XKR4: variants seen among roughly 807,000 people sequenced by gnomAD.
XKR4 encodes XK related 4, also known as XK-related protein 4.
XKR4 carries 12 observed loss-of-function variants against 53.9 expected under a neutral mutation model. The observed-to-expected ratio is 0.22, with a 90% CI of 0.14 to 0.36. The LOEUF is 0.36. Ranked by LOEUF, XKR4 falls within the 10% of genes least tolerant of loss-of-function variation. The pLI, the probability that XKR4 is intolerant of heterozygous loss-of-function variation, is 1.00. For missense variants in XKR4, 799 were observed against 859.5 expected (o/e 0.93, Z 0.88); for synonymous variants, 354 against 362.4 (o/e 0.98, Z 0.26).
chr8:55,522,193 G>A (rs1393804736), intron 2 of XKR4, among the ~76,000 whole-genome samples: 1 of 152,180 alleles, frequency 6.6e-6, no homozygotes, highest in Non-Finnish European at 1.5e-5. Flanking sequence ...AAGAGTAGAG[G>A]AAAACAATAC....
At chr8:55,202,614 G>A (rs965709050) in intron 1 of XKR4, among the ~76,000 whole-genome samples, 1 of 152,214 alleles carries the variant, frequency 6.6e-6, no homozygotes, top group Non-Finnish European at 1.5e-5. Flanking sequence ...TACAGCTGAA[G>A]GTCTGGGGTT....
intron 1 of XKR4, among the ~76,000 whole-genome samples, chr8:55,159,869 C>T (rs76973689): frequency 0.031 from 4,737 of 152,224 alleles, 244 homozygotes; most frequent in African/African-American, 0.11. Context: ...TGCATAGCAT[C>T]GCATATAGAC....
At chr8:55,161,625 A>G in intron 1 of XKR4, 1 of 456,290 alleles carries the variant, frequency 2.2e-6, no homozygotes, top group Non-Finnish European at 4.4e-6. Context: ...ACCAACTTCT[A>G]ATGTTGCAGT....
intron 2 of XKR4, among the ~76,000 whole-genome samples, chr8:55,489,968 T>A (rs369202980): frequency 6.6e-6 from 1 of 152,194 alleles, no homozygotes; most frequent in South Asian, 2.1e-4. Flanking sequence ...CATTTACATG[T>A]GTTATAAACC....
intron 2 of XKR4, among the ~76,000 whole-genome samples, chr8:55,440,900 C>T (rs1805253921): frequency 2.0e-5 from 3 of 151,620 alleles, no homozygotes. Flanking sequence ...ATTCAAGTAT[C>T]AGGAATAAAT....
At chr8:55,409,103 T>C (rs962905365) in intron 2 of XKR4, among the ~76,000 whole-genome samples, 1 of 150,860 alleles carries the variant, frequency 6.6e-6, no homozygotes, top group Non-Finnish European at 1.5e-5. Context: ...ATGCTGGACA[T>C]AGGACCATGA....
intron 1 of XKR4, among the ~76,000 whole-genome samples, chr8:55,270,025 C>G (rs1818664121): frequency 6.6e-6 from 1 of 152,196 alleles, no homozygotes; most frequent in Non-Finnish European, 1.5e-5. Flanking sequence ...CCTTACATGT[C>G]ATTTAACAGT....
At chr8:55,108,233 T>C (rs993814394) in intron 1 of XKR4, among the ~76,000 whole-genome samples, 1 of 152,072 alleles carries the variant, frequency 6.6e-6, no homozygotes, top group African/African-American at 2.4e-5. Flanking sequence ...AAGTGCATGC[T>C]CTACATATGG....
chr8:55,484,599 C>T (rs1040718048), intron 2 of XKR4, among the ~76,000 whole-genome samples: 4 of 152,202 alleles, frequency 2.6e-5, no homozygotes, highest in Non-Finnish European at 5.9e-5. Context: ...TTTTATGTGT[C>T]CACTTGACTG....
Position 55,534,846 on chromosome 8 carries a change from G to A in XKR4, c.*10619G>A, listed in dbSNP as rs528427016. 4 of 150,952 alleles carry A rather than the reference G, an allele frequency of 2.6e-5. 1 individual carries two copies. The East Asian group carries it at 7.8e-4, about 29-fold the overall frequency. The allele number at this position is 150,952 out of a possible 1,614,324, so 9.4% of individuals were successfully genotyped here. On this transcript the variant is annotated 3_prime_UTR_variant, in exon 3 of 3. Coordinates refer to ENST00000327381, the MANE Select transcript of XKR4 (RefSeq NM_052898.2). The stretch of plus-strand genomic sequence containing the variant: ...GAAGTTATCAGGTCATAGTTTCAGA[G>A]TATGCAAGAGAGTCGGGCCTTCATA...
chr8:55,129,200 T>G (rs1816519761), intron 1 of XKR4, among the ~76,000 whole-genome samples: 1 of 152,192 alleles, frequency 6.6e-6, no homozygotes, highest in Non-Finnish European at 1.5e-5. Flanking sequence ...GAAAATATAG[T>G]TTTTTCTTTC....
intron 1 of XKR4, among the ~76,000 whole-genome samples, chr8:55,179,691 C>G (rs940051131): frequency 6.6e-6 from 1 of 151,976 alleles, no homozygotes; most frequent in African/African-American, 2.4e-5. Context: ...ATTTTTGTTG[C>G]CTAGATAATA....
At chr8:55,500,929 A>G (rs1806427342) in intron 2 of XKR4, among the ~76,000 whole-genome samples, 1 of 152,202 alleles carries the variant, frequency 6.6e-6, no homozygotes, top group African/African-American at 2.4e-5. Context: ...GTAACTAAGA[A>G]TGGCTCTTCA....
chr8:55,519,938 C>A (rs1447771857), intron 2 of XKR4, among the ~76,000 whole-genome samples: 1 of 152,182 alleles, frequency 6.6e-6, no homozygotes, highest in East Asian at 1.9e-4. Context: ...TATAATATTT[C>A]TAGTCTTATA....
chr8:55,168,378 A>T (rs1817099640), intron 1 of XKR4, among the ~76,000 whole-genome samples: 3 of 152,188 alleles, frequency 2.0e-5, no homozygotes, highest in Non-Finnish European at 2.9e-5. Flanking sequence ...ATCATCTGTC[A>T]AATCCTTCAT....
In XKR4 at chr8:55,203,855, T is replaced by C. The variant is rs16921386; in HGVS notation, c.806+100561T>C. 6.5e-3 allele frequency among the ~76,000 whole-genome samples: 991 copies of C among 152,304 alleles called. 24 individuals carry two copies. The highest frequency in any genetic ancestry group is 0.043 in the Admixed American group (653 of 15,296). ...GTCTTAACAAGCACTCACGTAACTT[T>C]TGTGTCCAGAGCACTTTGCAGGGCA... is the stretch of plus-strand genomic sequence containing the variant. On this transcript the variant is annotated intron_variant, in intron 1 of 2. Transcript: ENST00000327381.
At chr8:55,233,130 A>G (rs990957933) in intron 1 of XKR4, among the ~76,000 whole-genome samples, 4 of 152,222 alleles carry the variant, frequency 2.6e-5, no homozygotes, top group Non-Finnish European at 5.9e-5. Context: ...AAGTCACTCA[A>G]TTGAAAGGGG....
At chr8:55,271,475 TA>T (rs5891566) in intron 1 of XKR4, among the ~76,000 whole-genome samples, 3,951 of 152,180 alleles carry the variant, frequency 0.026, 84 homozygotes, top group Non-Finnish European at 0.036. Context: ...AAACTGGAAA[TA>T]AAGGAAGACC....
chr8:55,476,080 G>A (rs117300603), intron 2 of XKR4, among the ~76,000 whole-genome samples: 1 of 152,012 alleles, frequency 6.6e-6, no homozygotes, highest in Non-Finnish European at 1.5e-5. Context: ...TTCACTTAGG[G>A]TACTTGAAAA....
Sources: allele counts gnomAD v4.1 joint callset (sites outside exome capture counted in the v4.1 genomes callset), GRCh38; gene constraint gnomAD v4.1.1; transcripts MANE v1.5; gene names NCBI Gene and HGNC (gene_info 2026-07-23, HGNC 2026-07-21).